Variants in TMEM245 observed in about 807,000 individuals in gnomAD.
TMEM245 encodes protein CG-2.
Under a neutral mutation model 101.2 loss-of-function variants are expected in TMEM245, and 69 were observed. The ratio of observed to expected loss-of-function variants is 0.68; its 90% CI spans 0.56 to 0.83. The LOEUF (loss-of-function observed/expected upper bound fraction) is 0.83, where lower values mean the gene tolerates loss of function less well. Ranked by LOEUF, TMEM245 falls within the 40% of genes least tolerant of loss-of-function variation. The pLI is 0.00. For synonymous variants in TMEM245, 537 were observed against 449.8 expected (o/e 1.19, Z -2.45); for missense variants, 1,075 against 1,092.8 (o/e 0.98, Z 0.23).
intron 7 of TMEM245, among the ~76,000 whole-genome samples, chr9:109,082,815 G>A (rs1459468075): frequency 6.6e-6 from 1 of 151,730 alleles, no homozygotes; most frequent in Non-Finnish European, 1.5e-5. Context: ...TTTTAAGTTA[G>A]GGTAAAATTT....
At chr9:109,062,795 A>C (rs1185583109) in intron 10 of TMEM245, among the ~76,000 whole-genome samples, 1 of 152,180 alleles carries the variant, frequency 6.6e-6, no homozygotes, top group Non-Finnish European at 1.5e-5. Context: ...ACATGGTGAA[A>C]CCACGTCTCT....
chr9:109,047,232 ATGCC>A (rs1828525836), intron 14 of TMEM245, among the ~76,000 whole-genome samples: 1 of 152,232 alleles, frequency 6.6e-6, no homozygotes, highest in African/African-American at 2.4e-5. Flanking sequence ...TGGTTTTTAA[ATGCC>A]AGTATACTAT....
intron 17 of TMEM245, among the ~76,000 whole-genome samples, chr9:109,027,737 G>C (rs1475916318): frequency 6.6e-6 from 1 of 151,956 alleles, no homozygotes. Flanking sequence ...GTGGTGCAAT[G>C]TGCAATGGTG....
intron 17 of TMEM245, among the ~76,000 whole-genome samples, chr9:109,031,161 A>C (rs1452153527): frequency 6.6e-6 from 1 of 152,234 alleles, no homozygotes; most frequent in Non-Finnish European, 1.5e-5. Flanking sequence ...AACTGTTTTT[A>C]AGTATCCACC....
chr9:109,119,190 G>C lies in TMEM245; in HGVS notation c.579+145C>G, dbSNP rs1310841338. On this transcript the variant is annotated intron_variant, in intron 1 of 17. Transcript: ENST00000374586. ...AGAATGTCCGCCAAATTCCTGAGGT[G>C]TGAGAAGGAAAGCGGAGACGGACGG... 23 of 747,792 alleles carry C rather than the reference G, an allele frequency of 3.1e-5. No homozygotes were observed. In the South Asian group the frequency reaches 4.5e-4, roughly 15 times the overall value. 46.3% of individuals were successfully genotyped at this position (747,792 alleles called of 1,614,324 possible). A position where few individuals can be genotyped will look rare whatever the true frequency, so the allele number is the denominator to read the frequency against.
intron 1 of TMEM245, among the ~76,000 whole-genome samples, chr9:109,109,138 G>A (rs1460730078): frequency 6.6e-6 from 1 of 152,126 alleles, no homozygotes; most frequent in Non-Finnish European, 1.5e-5. Flanking sequence ...CCAGAGTTAT[G>A]ATGCACCAGC....
intron 3 of TMEM245, among the ~76,000 whole-genome samples, chr9:109,100,245 C>A (rs1282331931): frequency 6.6e-6 from 1 of 152,272 alleles, no homozygotes; most frequent in Non-Finnish European, 1.5e-5. Context: ...TTCAGGATGA[C>A]TGACACTTAC....
chr9:109,034,791 A>G (rs1028319747), intron 16 of TMEM245, among the ~76,000 whole-genome samples: 3 of 152,146 alleles, frequency 2.0e-5, no homozygotes, highest in Non-Finnish European at 4.4e-5. Context: ...GAGTTTATGA[A>G]TAAAAGCTTA....
intron 4 of TMEM245, among the ~76,000 whole-genome samples, chr9:109,092,931 C>T (rs760530965): frequency 6.7e-6 from 1 of 149,756 alleles, no homozygotes; most frequent in Non-Finnish European, 1.5e-5. Flanking sequence ...AGCATGCAAA[C>T]TTTCAGAGAA....
chr9:109,036,466 A>T (rs1828125889), intron 15 of TMEM245, 86 bp from the exon 16 acceptor site: 2 of 1,264,096 alleles, frequency 1.6e-6, no homozygotes, highest in South Asian at 3.6e-5. Flanking sequence ...GCTCCTCCTC[A>T]ACAACTTCCA....
At chr9:109,109,380 G>T (rs1830510270) in intron 1 of TMEM245, among the ~76,000 whole-genome samples, 1 of 149,858 alleles carries the variant, frequency 6.7e-6, no homozygotes, top group Admixed American at 6.7e-5. Flanking sequence ...TGAGCACAAA[G>T]ACCTTAATTA....
At chr9:109,106,475 A>G (rs1468772957) in intron 3 of TMEM245, 33 bp downstream of exon 3, 3 of 1,363,992 alleles carry the variant, frequency 2.2e-6, no homozygotes, top group Admixed American at 2.0e-5. Flanking sequence ...AATACTTCAA[A>G]GAGTAGTATT....
Position 109,042,378 on chromosome 9 carries a change from GT to G in TMEM245, c.2124-4262del, listed in dbSNP as rs796485190. 162 of 148,826 alleles carry G rather than the reference GT, an allele frequency of 1.1e-3. 5 individuals are homozygous for G. Among genetic ancestry groups the G allele is most frequent in the African/African-American group, 3.6e-3 (148 of 40,562 alleles). The allele number at this position is 148,826 out of a possible 1,614,324, so 9.2% of individuals were successfully genotyped here. On this transcript the variant is annotated intron_variant, in intron 14 of 17. Coordinates refer to ENST00000374586, the MANE Select transcript of TMEM245 (RefSeq NM_032012.4). The stretch of plus-strand genomic sequence containing the variant: ...ATCTGTTTTCTCTTCTTTTTTAGTA[GT>G]TTTTTTTTTAGGCTAGCCAAGTAAA...
intron 8 of TMEM245, among the ~76,000 whole-genome samples, chr9:109,076,612 A>T (rs1829517440): frequency 6.6e-6 from 1 of 152,214 alleles, no homozygotes; most frequent in Admixed American, 6.5e-5. Context: ...GCCAAAAAAA[A>T]AGTATGTTGC....
At chr9:109,109,663 T>C (rs944424123) in intron 1 of TMEM245, among the ~76,000 whole-genome samples, 4 of 152,130 alleles carry the variant, frequency 2.6e-5, no homozygotes, top group Non-Finnish European at 4.4e-5. Flanking sequence ...ATGATAAATT[T>C]TGAAAAAGTT....
chr9:109,091,047 A>G lies in TMEM245; in HGVS notation c.1025T>C (p.Ile342Thr), dbSNP rs755390486. ...SPTLGRRRPEIGTFLRKKKTS... is the reference protein window; with the variant it reads ...SPTLGRRRPETGTFLRKKKTS... ...TTTCTTCTTTCTAAGAAACGTTCCTATTTCAGGCCTTCGTCTGCCCAGAGT... is the reference window on the plus strand; with the variant it reads ...TTTCTTCTTTCTAAGAAACGTTCCTGTTTCAGGCCTTCGTCTGCCCAGAGT... Residue 342 changes from isoleucine (I) to threonine (T), a missense_variant, in exon 5 of 18, where the codon ATA (isoleucine) becomes ACA (threonine). By Grantham distance (89) the Ile-to-Thr change is moderately conservative. Around this residue, in one of 2 missense-constraint regions of TMEM245, gnomAD observed 808 missense variants for 741.5 expected, o/e 1.09. Coordinates refer to ENST00000374586, the MANE Select transcript of TMEM245 (RefSeq NM_032012.4). 5 of 1,614,064 alleles carry G rather than the reference A, an allele frequency of 3.1e-6. No individual in the cohort carries two copies. In the South Asian group the frequency reaches 5.5e-5, roughly 18 times the overall value.
At chr9:109,087,007 T>C (rs971293841) in intron 6 of TMEM245, among the ~76,000 whole-genome samples, 166 bp downstream of exon 6, 4 of 152,190 alleles carry the variant, frequency 2.6e-5, no homozygotes, top group African/African-American at 9.7e-5. Context: ...AGTAAACCCA[T>C]CTTATCCTTG....
chr9:109,102,032 G>A (rs956537756), intron 3 of TMEM245, among the ~76,000 whole-genome samples: 9 of 152,208 alleles, frequency 5.9e-5, no homozygotes, highest in South Asian at 4.1e-4. Flanking sequence ...TCTGGCATAA[G>A]AGGTAAAGGG....
chr9:109,111,328 G>GT (rs1408147879), intron 1 of TMEM245, among the ~76,000 whole-genome samples: 1 of 151,786 alleles, frequency 6.6e-6, no homozygotes, highest in Non-Finnish European at 1.5e-5. Flanking sequence ...AGATGACAAA[G>GT]TAAGTACTAC....
Sources: allele counts gnomAD v4.1 joint callset (sites outside exome capture counted in the v4.1 genomes callset), GRCh38; gene constraint gnomAD v4.1.1; regional missense constraint gnomAD v4.1.1; transcripts MANE v1.5; gene names NCBI Gene and HGNC (gene_info 2026-07-23, HGNC 2026-07-21).